The following LPAR1 variants were observed in gnomAD, a reference collection of about 807,000 sequenced individuals.
LPAR1 encodes the protein lysophosphatidic acid receptor 1.
LPAR1 carries 5 observed loss-of-function variants against 23.8 expected under a neutral mutation model. The ratio of observed to expected loss-of-function variants is 0.21; its 90% CI spans 0.11 to 0.44. The LOEUF (loss-of-function observed/expected upper bound fraction) is 0.44. LPAR1 is among the 20% of genes least tolerant of loss of function. The pLI is 0.99. For synonymous variants in LPAR1, 160 were observed against 164.7 expected, an observed-to-expected ratio of 0.97 and a Z score of 0.22; for missense variants, 311 against 482.8, an observed-to-expected ratio of 0.64 and a Z score of 3.33.
At chr9:110,997,622 T>C (rs915506122) in intron 2 of LPAR1, among the ~76,000 whole-genome samples, 5 of 152,204 alleles carry the variant, frequency 3.3e-5, no homozygotes, top group African/African-American at 1.2e-4. Context: ...CAGAGTTTTT[T>C]ATTTAGTAGA....
intron 5 of LPAR1, among the ~76,000 whole-genome samples, chr9:110,921,878 G>C (rs1239987649): frequency 6.6e-6 from 1 of 152,200 alleles, no homozygotes; most frequent in Non-Finnish European, 1.5e-5. Context: ...GCTCCCTGGA[G>C]TTGTGAACTG....
chr9:110,963,671 T>A (rs1188330024), intron 4 of LPAR1, among the ~76,000 whole-genome samples: 22 of 148,914 alleles, frequency 1.5e-4, no homozygotes, highest in African/African-American at 3.7e-4. Flanking sequence ...TAATAAAATT[T>A]AAAAAAAAAA....
intron 2 of LPAR1, among the ~76,000 whole-genome samples, chr9:110,985,350 A>C (rs10980679): frequency 0.1 from 15,934 of 152,142 alleles, 1,098 homozygotes; most frequent in Admixed American, 0.2. Flanking sequence ...TTCCACAAAT[A>C]AGATCAGTCT....
chr9:110,916,936 G>T (rs1258670409), intron 5 of LPAR1, among the ~76,000 whole-genome samples: 1 of 150,926 alleles, frequency 6.6e-6, no homozygotes, highest in African/African-American at 2.4e-5. Context: ...GTTGTTGAGG[G>T]CAGATTAACT....
chr9:111,007,891 A>T (rs1223711823), intron 2 of LPAR1, among the ~76,000 whole-genome samples: 1 of 152,124 alleles, frequency 6.6e-6, no homozygotes, highest in Non-Finnish European at 1.5e-5. Flanking sequence ...TTAATTTAAG[A>T]TGCCGAGCGC....
chr9:110,941,982 G>A lies in LPAR1; in HGVS notation c.232C>T (p.Arg78Cys), dbSNP rs370198772. 4.2e-5 allele frequency: 67 copies of A among 1,613,970 alleles called. No homozygotes were observed. The highest frequency in any genetic ancestry group is 4.5e-5 in the East Asian group (2 of 44,886). Residue 78 changes from arginine (R) to cysteine (C), a missense_variant, in exon 5 of 6, where the codon CGC (arginine) becomes TGC (cysteine). This residue lies in a region of LPAR1 where 250 missense variants were observed against 427.2 expected (regional missense o/e 0.59). Transcript: ENST00000683809. The surrounding 1 kb of genome is among the most constrained non-coding windows in gnomAD (Gnocchi z 6.1). ...TAATAAATAGGAAAATGGAAGCGGC[G>A]GTTGACATAGATTGCCACCATGACC... is the stretch of plus-strand genomic sequence containing the variant. The part of the protein sequence containing the change: ...LLVMVAIYVN[R>C]RFHFPIYYLM...
In LPAR1 at chr9:110,942,107, C is replaced by T. The variant is rs2095142214; in HGVS notation, c.107G>A (p.Arg36Gln). The change falls in exon 5 of 6, where the codon CGA becomes CAA. Residue 36 changes from arginine to glutamine, a missense_variant. Transcript: ENST00000683809. ...YNESIAFFYN[R>Q]SGKHLATEWN... ...TTCTGTGGCAAGATGCTTTCCACTT[C>T]GGTTATAAAAGAAGGCAATGGACTC... 21 of 1,613,924 alleles carry T rather than the reference C, an allele frequency of 1.3e-5. No homozygotes were observed. The highest frequency in any genetic ancestry group is 4.4e-5 in the South Asian group (4 of 91,054).
chr9:110,979,393 T>G (rs2138839094), intron 2 of LPAR1, among the ~76,000 whole-genome samples: 1 of 150,996 alleles, frequency 6.6e-6, no homozygotes, highest in East Asian at 1.9e-4. Flanking sequence ...AATTCCAGAA[T>G]AAAAGAGTAA....
intron 3 of LPAR1, 94 bp downstream of exon 3, chr9:110,973,387 C>T (rs970418323): frequency 6.6e-6 from 1 of 152,102 alleles, no homozygotes; most frequent in Non-Finnish European, 1.5e-5. Flanking sequence ...GGTTCCCAGG[C>T]CTATATGAAA....
At chr9:110,914,131 C>A (rs1019214918) in intron 5 of LPAR1, among the ~76,000 whole-genome samples, 3 of 152,190 alleles carry the variant, frequency 2.0e-5, no homozygotes, top group African/African-American at 7.2e-5. Context: ...AACTCCTTTG[C>A]CTGATTCTAA....
intron 5 of LPAR1, among the ~76,000 whole-genome samples, chr9:110,881,311 A>T (rs1011758228): frequency 1.3e-5 from 2 of 152,164 alleles, no homozygotes; most frequent in Non-Finnish European, 1.5e-5. Flanking sequence ...CACTCTTGAG[A>T]GCAACATTTA....
chr9:110,895,627 T>C (rs2086055619), intron 5 of LPAR1, among the ~76,000 whole-genome samples: 1 of 152,060 alleles, frequency 6.6e-6, no homozygotes, highest in African/African-American at 2.4e-5. Context: ...CAGGTCACAG[T>C]TCAGGAGGGT....
intron 5 of LPAR1, among the ~76,000 whole-genome samples, chr9:110,912,642 C>A (rs567761765): frequency 2.0e-5 from 3 of 152,162 alleles, no homozygotes; most frequent in Non-Finnish European, 2.9e-5. Flanking sequence ...ACTATAGAAG[C>A]TGGCATGGTC....
intron 5 of LPAR1, chr9:110,903,523 G>C (rs889617656): frequency 2.0e-5 from 3 of 152,082 alleles, no homozygotes; most frequent in Non-Finnish European, 4.4e-5. Context: ...GGGTTCAATA[G>C]TAAAATGAAG....
intron 2 of LPAR1, among the ~76,000 whole-genome samples, chr9:111,030,386 T>C (rs575042494): frequency 2.0e-5 from 3 of 152,340 alleles, no homozygotes; most frequent in Non-Finnish European, 1.5e-5. Context: ...TCTGTTTCAG[T>C]TGTGTTATTC....
intron 4 of LPAR1, among the ~76,000 whole-genome samples, chr9:110,943,774 C>T (rs1361086769): frequency 2.6e-5 from 4 of 151,038 alleles, no homozygotes; most frequent in East Asian, 2.0e-4. Flanking sequence ...GCAGGAGAAT[C>T]GCTTGAACCC....
At chr9:110,950,915 C>T (rs1279045265) in intron 4 of LPAR1, among the ~76,000 whole-genome samples, 4 of 152,070 alleles carry the variant, frequency 2.6e-5, no homozygotes, top group Non-Finnish European at 5.9e-5. Flanking sequence ...AAAAGAACAA[C>T]AATACCCAAG....
At chr9:110,937,260 T>C (rs1224157694) in intron 5 of LPAR1, among the ~76,000 whole-genome samples, 2 of 152,198 alleles carry the variant, frequency 1.3e-5, no homozygotes, top group East Asian at 3.9e-4. Context: ...GAGATCACAG[T>C]GTTTCAATTT....
chr9:110,987,795 G>A (rs747176164), intron 2 of LPAR1, among the ~76,000 whole-genome samples: 8 of 151,760 alleles, frequency 5.3e-5, no homozygotes, highest in Admixed American at 2.0e-4. Context: ...TGCATTGTTC[G>A]TGGGTCAACT....
Sources: allele counts gnomAD v4.1 joint callset (sites outside exome capture counted in the v4.1 genomes callset), GRCh38; gene constraint gnomAD v4.1.1; regional missense constraint gnomAD v4.1.1; non-coding constraint Gnocchi (gnomAD v3.1); transcripts MANE v1.5; gene names NCBI Gene and HGNC (gene_info 2026-07-23, HGNC 2026-07-21).